LEPROTL1: variants seen among roughly 807,000 people sequenced by gnomAD.
LEPROTL1 encodes leptin receptor overlapping transcript-like 1.
Under a neutral mutation model 15.4 loss-of-function variants are expected in LEPROTL1, and 6 were observed. The ratio of observed to expected loss-of-function variants is 0.39; its 90% CI spans 0.21 to 0.77. The LOEUF (loss-of-function observed/expected upper bound fraction) is 0.77, where lower values mean the gene tolerates loss of function less well. Among genes scored for constraint, LEPROTL1 ranks in the 30% least tolerant of loss-of-function variants. The probability of loss-of-function intolerance (pLI) is 0.41; values close to 1 mark genes in which losing one functional copy is unlikely to be tolerated. For synonymous variants in LEPROTL1, 56 were observed against 52.6 expected (o/e 1.06, Z -0.28); for missense variants, 128 against 158.1 (o/e 0.81, Z 1.02).
At chr8:30,132,748 TA>T (rs1464892235) in intron 4 of LEPROTL1, 4 of 1,551,538 alleles carry the variant, frequency 2.6e-6, no homozygotes, top group Non-Finnish European at 3.5e-6. Context: ...AAAGAGCAAG[TA>T]GCTGAAATAG....
At chr8:30,103,741 CAAA>C (rs200908304) in intron 2 of LEPROTL1, among the ~76,000 whole-genome samples, 3 of 89,034 alleles carry the variant, frequency 3.4e-5, no homozygotes, top group Non-Finnish European at 4.7e-5. Context: ...GACTCTGTCT[CAAA>C]AAAAAAAAAA....
At chr8:30,101,787 T>TA (rs2117479982) in intron 1 of LEPROTL1, 111 bp from the exon 2 acceptor site, 2 of 619,558 alleles carry the variant, frequency 3.2e-6, no homozygotes, top group East Asian at 3.1e-5. Flanking sequence ...TTGCTATTAA[T>TA]ACGTTTTAGG....
Position 30,131,296 on chromosome 8 carries a change from A to ATGTGTG in LEPROTL1, c.280-1073_280-1068dup, listed in dbSNP as rs1554485368. On this transcript the variant is annotated intron_variant, in intron 3 of 4. Transcript: ENST00000442880. The stretch of plus-strand genomic sequence containing the variant: ...TGTGTGTGTATATATATATATATAT[A>ATGTGTG]TGTGTGTGTGTATATATATATATAT... Among the ~76,000 whole-genome samples, 382 of 123,902 alleles carry ATGTGTG rather than the reference A, an allele frequency of 3.1e-3. 2 individuals are homozygous for ATGTGTG. The highest frequency in any genetic ancestry group is 8.7e-3 in the Middle Eastern group (2 of 230). The allele number at this position is 123,902 out of a possible 152,430, so 81.3% of individuals were successfully genotyped here.
downstream of LEPROTL1, among the ~76,000 whole-genome samples, chr8:30,111,524 C>T (rs2117497435): frequency 6.6e-6 from 1 of 152,256 alleles, no homozygotes; most frequent in African/African-American, 2.4e-5. Flanking sequence ...GCTGAAATTC[C>T]GCATTTGGTT....
At chr8:30,128,060 CA>C (rs376008312) in intron 3 of LEPROTL1, among the ~76,000 whole-genome samples, 117 of 152,070 alleles carry the variant, frequency 7.7e-4, no homozygotes, top group Middle Eastern at 3.4e-3. Flanking sequence ...TAAGATCTAA[CA>C]AAAAAATCAG....
chr8:30,105,935 G>A lies in LEPROTL1; in HGVS notation c.*73G>A, dbSNP rs1053068499. On this transcript the variant is annotated 3_prime_UTR_variant, in exon 4 of 4. Coordinates refer to ENST00000321250, the MANE Select transcript of LEPROTL1 (RefSeq NM_015344.3). ...GCCATTCACGCACACAGGAGATGGG[G>A]CAGTTAATGCTGAATGGTATAGCAA... 41 of 1,394,818 alleles carry A rather than the reference G, an allele frequency of 2.9e-5. No individual in the cohort carries two copies. Among genetic ancestry groups the A allele is most frequent in the Admixed American group, 2.5e-4 (9 of 36,642 alleles). The allele number at this position is 1,394,818 out of a possible 1,614,324, so 86.4% of individuals were successfully genotyped here.
At position 30,106,709 on chromosome 8, in the gene LEPROTL1, G is replaced by A. The variant is rs968317379; in HGVS notation, c.*847G>A. ...GTTTCTATTTATAAGTGAAATTTGT[G>A]ATCTCCTATCAACCTTTCATGTTTT... On this transcript the variant is annotated 3_prime_UTR_variant, in exon 4 of 4. Coordinates refer to ENST00000321250, the MANE Select transcript of LEPROTL1 (RefSeq NM_015344.3). 3.0e-6 allele frequency: 3 copies of A among 984,816 alleles called. No homozygotes were observed. The African/African-American group carries it at 5.2e-5, about 17-fold the overall frequency. The allele number at this position is 984,816 out of a possible 1,614,324, so 61.0% of individuals were successfully genotyped here.
chr8:30,110,255 G>A (rs1343411644), downstream of LEPROTL1, among the ~76,000 whole-genome samples: 1 of 152,170 alleles, frequency 6.6e-6, no homozygotes, highest in Non-Finnish European at 1.5e-5. Context: ...AGCAGAGGGT[G>A]GTGGGAACAG....
In LEPROTL1 at chr8:30,130,359, G is replaced by A. The variant is rs147065577; in HGVS notation, c.280-2016G>A. On this transcript the variant is annotated intron_variant, in intron 3 of 4. Coordinates refer to the LEPROTL1 transcript ENST00000442880. ...CATCACTGCCATTGCTTAGAAGAAG[G>A]GTAAGTTTTATAAGTAAGTTGAATT... Among the ~76,000 whole-genome samples, 1,276 of 152,240 alleles carry A rather than the reference G, an allele frequency of 8.4e-3. 15 individuals are homozygous for A. Among genetic ancestry groups the A allele is most frequent in the African/African-American group, 0.029 (1,219 of 41,538 alleles).
In LEPROTL1 at chr8:30,101,909, T is replaced by A; in HGVS notation, c.28T>A (p.Leu10Met). MAGIKALIS[L>M]SFGGAIGLMF... ...TATTTGCTTTGCAGCTTTGATTAGT[T>A]TGTCCTTTGGAGGAGCAATCGGACT... Residue 10 changes from leucine (L) to methionine (M), a missense_variant, in exon 2 of 4, where the codon TTG (leucine) becomes ATG (methionine). Transcript: ENST00000321250. The A allele has an allele frequency of 1.2e-6, 2 of 1,604,898 alleles. No homozygotes were observed. Among genetic ancestry groups the A allele is most frequent in the South Asian group, 2.2e-5 (2 of 90,164 alleles).
rs1430584636 is a variant in LEPROTL1, at chr8:30,105,747, T to C, written c.281T>C (p.Ile94Thr). ...LPIVFARAHLIEWGACALVLT... is the reference protein window; with the variant it reads ...LPIVFARAHLTEWGACALVLT... ...ACTGAGTGTATCTTATTTCCATAGA[T>C]TGAGTGGGGAGCTTGTGCACTTGTT... The change falls in exon 4 of 4, where the codon ATT (isoleucine) becomes ACT (threonine). Residue 94 changes from isoleucine to threonine, a missense_variant and splice_region_variant. Ile to Thr is a moderately conservative substitution (Grantham distance 89). Transcript: ENST00000321250. 6 of 1,598,572 alleles carry C rather than the reference T, an allele frequency of 3.8e-6. No homozygotes were observed. Among genetic ancestry groups the C allele is most frequent in the Non-Finnish European group, 5.1e-6 (6 of 1,171,928 alleles).
At chr8:30,101,761 C>T in intron 1 of LEPROTL1, 137 bp from the exon 2 acceptor site, 2 of 441,208 alleles carry the variant, frequency 4.5e-6, no homozygotes, top group East Asian at 4.7e-5. Flanking sequence ...AGATAACTTA[C>T]ACTTCTGATG....
intron 3 of LEPROTL1, among the ~76,000 whole-genome samples, chr8:30,119,163 G>A (rs1802788261): frequency 6.6e-6 from 1 of 152,208 alleles, no homozygotes; most frequent in African/African-American, 2.4e-5. Context: ...CATACTGCCT[G>A]TAAACATTTT....
intron 1 of LEPROTL1, among the ~76,000 whole-genome samples, chr8:30,099,253 G>T (rs2117474999): frequency 6.6e-6 from 1 of 152,268 alleles, no homozygotes; most frequent in South Asian, 2.1e-4. Context: ...TTAGAGGAAT[G>T]AATAAATAAA....
chr8:30,137,943 T>C (rs938410553), downstream of LEPROTL1: 1 of 205,674 alleles, frequency 4.9e-6, no homozygotes, highest in East Asian at 1.2e-4. Flanking sequence ...GCTTGAGATG[T>C]TTTGTAGACC....
chr8:30,112,401 ATTTTTTT>A (rs10684450), downstream of LEPROTL1, among the ~76,000 whole-genome samples: 419 of 27,898 alleles, frequency 0.015, 13 homozygotes, highest in Middle Eastern at 0.14. Context: ...TGCCCAGCTA[ATTTTTTT>A]TTTTTTTTTT....
At chr8:30,095,725 A>G in intron 1 of LEPROTL1, 197 bp downstream of exon 1, 1 of 691,654 alleles carries the variant, frequency 1.4e-6, no homozygotes, top group Non-Finnish European at 2.6e-6. Flanking sequence ...GACGGTTGCG[A>G]CCCCGGCTTC....
chr8:30,120,148 T>C (rs967047596), intron 3 of LEPROTL1, among the ~76,000 whole-genome samples: 29 of 152,050 alleles, frequency 1.9e-4, no homozygotes, highest in African/African-American at 6.5e-4. Flanking sequence ...TCAAATAAAA[T>C]AATAAAATTA....
At chr8:30,132,211 C>A in intron 3 of LEPROTL1, 2 of 1,551,866 alleles carry the variant, frequency 1.3e-6, no homozygotes, top group Non-Finnish European at 1.7e-6. Flanking sequence ...GCAAACGAAA[C>A]CAAACACCTG....
Sources: allele counts gnomAD v4.1 joint callset (sites outside exome capture counted in the v4.1 genomes callset), GRCh38; gene constraint gnomAD v4.1.1; transcripts MANE v1.5; gene names NCBI Gene and HGNC (gene_info 2026-07-23, HGNC 2026-07-21).